The following GFOD2 variants were observed in gnomAD, a reference collection of about 807,000 sequenced individuals.
GFOD2 encodes the protein Gfo/Idh/MocA-like oxidoreductase domain containing 2, also known as glucose-fructose oxidoreductase domain-containing protein 2.
GFOD2 carries 9 observed loss-of-function variants against 24.6 expected under a neutral mutation model. The ratio of observed to expected loss-of-function variants is 0.37; its 90% CI spans 0.22 to 0.64. The LOEUF (loss-of-function observed/expected upper bound fraction) is 0.64, where lower values mean the gene tolerates loss of function less well. GFOD2 is among the 30% of genes least tolerant of loss of function. The pLI is 0.65. For missense variants in GFOD2, 476 were observed against 532.5 expected, an observed-to-expected ratio of 0.89 and a Z score of 1.04; for synonymous variants, 211 against 224.8, an observed-to-expected ratio of 0.94 and a Z score of 0.55.
At chr16:67,715,699 T>C (rs1292586594) in intron 1 of GFOD2, among the ~76,000 whole-genome samples, 1 of 152,204 alleles carries the variant, frequency 6.6e-6, no homozygotes, top group African/African-American at 2.4e-5. Flanking sequence ...AGAAAGATAA[T>C]GTTCCATTAC....
chr16:67,685,001 G>A, intron 2 of GFOD2: 1 of 1,021,120 alleles, frequency 9.8e-7, no homozygotes, highest in Non-Finnish European at 1.2e-6. Context: ...AGTTTGGCAG[G>A]AAGGGTGTGT....
In GFOD2 at chr16:67,675,119, T is replaced by G; in HGVS notation, c.*36A>C. The G allele has an allele frequency of 1.3e-6, 2 of 1,572,672 alleles. No individual in the cohort carries two copies. Among genetic ancestry groups the G allele is most frequent in the Non-Finnish European group, 1.7e-6 (2 of 1,156,632 alleles). ...GTCTGGCTCCTGTTCCCCTCCCTGG[T>G]CCCTCTGCCCTGTGGCAAGGAGCCC... is the stretch of plus-strand genomic sequence containing the variant. On this transcript the variant is annotated 3_prime_UTR_variant, in exon 3 of 3. Transcript: ENST00000268797.
intron 1 of GFOD2, among the ~76,000 whole-genome samples, chr16:67,716,195 T>C (rs1322840037): frequency 6.6e-6 from 1 of 152,160 alleles, no homozygotes; most frequent in Non-Finnish European, 1.5e-5. Context: ...ATGGGAAAAC[T>C]AGAAAATCAG....
intron 1 of GFOD2, among the ~76,000 whole-genome samples, chr16:67,699,360 C>T (rs1015570476): frequency 6.6e-6 from 1 of 151,500 alleles, no homozygotes; most frequent in Non-Finnish European, 1.5e-5. Flanking sequence ...CAAAACAAAA[C>T]AAAAATAAAT....
intron 1 of GFOD2, among the ~76,000 whole-genome samples, chr16:67,696,315 G>T (rs960175090): frequency 6.7e-6 from 1 of 148,722 alleles, no homozygotes; most frequent in South Asian, 2.1e-4. Flanking sequence ...GCCCGGCCGG[G>T]AATCTTTTTT....
intron 1 of GFOD2, among the ~76,000 whole-genome samples, chr16:67,707,098 C>T (rs1354985250): frequency 6.7e-6 from 1 of 149,518 alleles, no homozygotes; most frequent in African/African-American, 2.5e-5. Context: ...GTGGCTCACG[C>T]CTGTAATCCC....
chr16:67,679,437 T>C (rs2053207332), intron 2 of GFOD2, among the ~76,000 whole-genome samples: 1 of 151,940 alleles, frequency 6.6e-6, no homozygotes, highest in East Asian at 1.9e-4. Context: ...GGTTTCACTA[T>C]GTTGGCCAGG....
At chr16:67,703,941 A>C (rs2053421273) in intron 1 of GFOD2, among the ~76,000 whole-genome samples, 1 of 152,162 alleles carries the variant, frequency 6.6e-6, no homozygotes, top group African/African-American at 2.4e-5. Context: ...ATCATACAGT[A>C]TGTGTGCTTC....
chr16:67,694,338 C>T (rs1446037880), intron 1 of GFOD2, among the ~76,000 whole-genome samples: 5 of 151,938 alleles, frequency 3.3e-5, no homozygotes, highest in Non-Finnish European at 2.9e-5. Flanking sequence ...CACTGTGTTA[C>T]CTAGGCTGGT....
chr16:67,679,614 C>T (rs561471466), intron 2 of GFOD2, among the ~76,000 whole-genome samples: 4 of 151,990 alleles, frequency 2.6e-5, no homozygotes, highest in African/African-American at 7.2e-5. Flanking sequence ...CTTGGCCGGG[C>T]GCAGTGGCTC....
intron 1 of GFOD2, among the ~76,000 whole-genome samples, chr16:67,689,060 AAGAC>A (rs967927553): frequency 2.6e-5 from 3 of 117,142 alleles, no homozygotes; most frequent in African/African-American, 9.9e-5. Flanking sequence ...TTTTTTTTTA[AAGAC>A]AGTCTCACTC....
At chr16:67,686,873 G>A (rs553090885) in intron 1 of GFOD2, among the ~76,000 whole-genome samples, 28 of 151,392 alleles carry the variant, frequency 1.8e-4, no homozygotes, top group Admixed American at 7.2e-4. Context: ...GAGGCCGGGC[G>A]TGGTGGCTCA....
intron 2 of GFOD2, among the ~76,000 whole-genome samples, chr16:67,679,819 G>A (rs768024359): frequency 4.6e-5 from 7 of 151,936 alleles, no homozygotes; most frequent in Non-Finnish European, 1.0e-4. Context: ...CCCCGGAGGC[G>A]GAGGTTGCAG....
At chr16:67,686,015 G>A (rs1199703537) in intron 1 of GFOD2, among the ~76,000 whole-genome samples, 2 of 152,086 alleles carry the variant, frequency 1.3e-5, no homozygotes, top group Non-Finnish European at 2.9e-5. Context: ...ATGCATGCCT[G>A]TAACCCCAGC....
intron 2 of GFOD2, chr16:67,683,534 G>T (rs2053243491): frequency 2.4e-6 from 3 of 1,231,602 alleles, no homozygotes; most frequent in Non-Finnish European, 3.0e-6. Flanking sequence ...CAAGCATTTG[G>T]TGACCAATGA....
Position 67,709,068 on chromosome 16 carries a change from C to T in GFOD2, c.-88+10095G>A, listed in dbSNP as rs924711638. Among the ~76,000 whole-genome samples the T allele has an allele frequency of 1.7e-4, 26 of 152,026 alleles. No homozygotes were observed. In the South Asian group the frequency reaches 2.5e-3, roughly 15 times the overall value. On this transcript the variant is annotated intron_variant, in intron 1 of 2. Transcript: ENST00000268797. ...CTGTAATCCCAGGACTTTGGGAGGC[C>T]GAGGCAAGTGGATCACTTGAGCCCA... is the stretch of plus-strand genomic sequence containing the variant.
intron 1 of GFOD2, among the ~76,000 whole-genome samples, chr16:67,705,143 G>C (rs1461003154): frequency 6.6e-6 from 1 of 152,152 alleles, no homozygotes; most frequent in African/African-American, 2.4e-5. Context: ...CCCTGCCATG[G>C]TATCCATTAT....
intron 2 of GFOD2, among the ~76,000 whole-genome samples, chr16:67,678,060 T>C (rs2053195536): frequency 6.6e-6 from 1 of 152,270 alleles, no homozygotes; most frequent in African/African-American, 2.4e-5. Context: ...GGGTGCAGCT[T>C]ACCCTGATGG....
At chr16:67,694,996 T>C (rs1467456696) in intron 1 of GFOD2, among the ~76,000 whole-genome samples, 4 of 146,474 alleles carry the variant, frequency 2.7e-5, no homozygotes, top group African/African-American at 1.0e-4. Context: ...TCTTTTTTTT[T>C]TTTTTTTTTT....
Sources: allele counts gnomAD v4.1 joint callset (sites outside exome capture counted in the v4.1 genomes callset), GRCh38; gene constraint gnomAD v4.1.1; transcripts MANE v1.5; gene names NCBI Gene and HGNC (gene_info 2026-07-23, HGNC 2026-07-21).